Variants in SEL1L3 observed in about 807,000 individuals in gnomAD.
SEL1L3 encodes protein sel-1 homolog 3.
A neutral mutation model predicts 142.8 loss-of-function variants in SEL1L3; 76 were observed. The ratio of observed to expected loss-of-function variants is 0.53; its 90% CI spans 0.44 to 0.64. The LOEUF (loss-of-function observed/expected upper bound fraction) is 0.64. Ranked by LOEUF, SEL1L3 falls within the 30% of genes least tolerant of loss-of-function variation. SEL1L3 has a pLI of 0.00. For missense variants in SEL1L3, 1,262 were observed against 1,381.7 expected, an observed-to-expected ratio of 0.91 and a Z score of 1.37; for synonymous variants, 504 against 519.6, an observed-to-expected ratio of 0.97 and a Z score of 0.41.
chr4:25,727,491 C>A, the SEL1L3 span, among the ~76,000 whole-genome samples: 1 of 152,160 alleles, frequency 6.6e-6, no homozygotes, highest in African/African-American at 2.4e-5. Flanking sequence ...CATTATTCAT[C>A]TAAAATGGTT....
intron 2 of SEL1L3, among the ~76,000 whole-genome samples, chr4:25,839,547 T>C (rs548297467): frequency 6.7e-4 from 102 of 152,354 alleles, no homozygotes; most frequent in Non-Finnish European, 1.3e-3. Flanking sequence ...AAAAATCTAC[T>C]GTATTGTTAA....
chr4:25,758,746 T>C (rs1315538059), intron 21 of SEL1L3, among the ~76,000 whole-genome samples, 195 bp downstream of exon 21: 1 of 151,740 alleles, frequency 6.6e-6, no homozygotes, highest in Non-Finnish European at 1.5e-5. Flanking sequence ...ACCCTTGACC[T>C]CAAGTGATCT....
chr4:25,752,057 C>T (rs1265813167), intron 23 of SEL1L3, among the ~76,000 whole-genome samples: 3 of 140,292 alleles, frequency 2.1e-5, no homozygotes, highest in Non-Finnish European at 3.0e-5. Context: ...TGCAGTGAGC[C>T]GAGATCATGC....
intron 2 of SEL1L3, among the ~76,000 whole-genome samples, chr4:25,840,539 T>A (rs1400187871): frequency 1.3e-5 from 2 of 151,900 alleles, no homozygotes; most frequent in African/African-American, 4.8e-5. Flanking sequence ...ACGAAAAGAG[T>A]GGAGAAGAAG....
chr4:25,810,402 A>C (rs7683265), intron 9 of SEL1L3, among the ~76,000 whole-genome samples: 57,068 of 151,958 alleles, frequency 0.38, 11,131 homozygotes, highest in African/African-American at 0.47. Flanking sequence ...TCCTCATCGC[A>C]TCTCTTCTCT....
chr4:25,724,654 G>A, the SEL1L3 span, among the ~76,000 whole-genome samples: 17 of 143,068 alleles, frequency 1.2e-4, no homozygotes, highest in Non-Finnish European at 2.1e-4. Flanking sequence ...GGAGAATGGC[G>A]TGAACCCGGG....
intron 15 of SEL1L3, 91 bp downstream of exon 15, chr4:25,782,151 G>T: frequency 9.1e-7 from 1 of 1,102,680 alleles, no homozygotes; most frequent in South Asian, 1.5e-5. Context: ...CTGTGTCTGG[G>T]GTTGGGTCTG....
At chr4:25,792,669 G>T (rs1022652077) in intron 11 of SEL1L3, among the ~76,000 whole-genome samples, 6 of 152,166 alleles carry the variant, frequency 3.9e-5, no homozygotes, top group Non-Finnish European at 8.8e-5. Flanking sequence ...TTATTGCACT[G>T]TAAAAAAGAA....
the SEL1L3 span, among the ~76,000 whole-genome samples, chr4:25,735,565 C>A: frequency 2.1e-5 from 3 of 143,144 alleles, no homozygotes; most frequent in African/African-American, 7.5e-5. Context: ...CTTCAGTTTT[C>A]TTCAAGTTTA....
At chr4:25,849,392 C>A (rs1560357146) in intron 1 of SEL1L3, among the ~76,000 whole-genome samples, 1 of 152,088 alleles carries the variant, frequency 6.6e-6, no homozygotes, top group African/African-American at 2.4e-5. Context: ...AATGGATGAA[C>A]TTTGAGGAGA....
intron 1 of SEL1L3, among the ~76,000 whole-genome samples, chr4:25,853,027 T>C (rs1717006754): frequency 6.6e-6 from 1 of 152,258 alleles, no homozygotes; most frequent in Non-Finnish European, 1.5e-5. Context: ...TGCAGCACCC[T>C]GAGTGTGGTT....
rs186054886 is a variant in SEL1L3, at chr4:25,856,384, G to C, written c.162+6291C>G. 2.4e-4 allele frequency among the ~76,000 whole-genome samples: 37 copies of C among 152,162 alleles called. No homozygotes were observed. In the East Asian group the frequency reaches 6.2e-3, roughly 25 times the overall value. Reference sequence around the variant, plus strand: ...GGCATCTGTGCCCCTCAAATTATGTGGTTTAGGCAGCTACAATAGATGTTC... The same window carrying C: ...GGCATCTGTGCCCCTCAAATTATGTCGTTTAGGCAGCTACAATAGATGTTC... On this transcript the variant is annotated intron_variant, in intron 1 of 23. Transcript: ENST00000399878.
At chr4:25,772,803 A>AT (rs1460946754) in intron 17 of SEL1L3, among the ~76,000 whole-genome samples, 1 of 151,980 alleles carries the variant, frequency 6.6e-6, no homozygotes, top group Non-Finnish European at 1.5e-5. Context: ...TTATTTATTT[A>AT]TTTATTTTTT....
the SEL1L3 span, among the ~76,000 whole-genome samples, chr4:25,721,510 T>C: frequency 1.3e-5 from 2 of 152,176 alleles, no homozygotes; most frequent in Non-Finnish European, 2.9e-5. Flanking sequence ...TGACTTACCG[T>C]GTACTTTCTC....
chr4:25,765,217 T>C, intron 20 of SEL1L3, 109 bp downstream of exon 20: 3 of 730,526 alleles, frequency 4.1e-6, no homozygotes, highest in Non-Finnish European at 7.4e-6. Flanking sequence ...TGGTCCCGAA[T>C]TCCTGACCTC....
At chr4:25,748,708 C>T (rs561703660) in intron 23 of SEL1L3, 144 bp from the exon 24 acceptor site, 2 of 730,410 alleles carry the variant, frequency 2.7e-6, no homozygotes, top group East Asian at 5.7e-5. Context: ...AACTCTGGAC[C>T]CGTTATCTAA....
intron 12 of SEL1L3, among the ~76,000 whole-genome samples, chr4:25,789,718 T>G (rs1338276789): frequency 2.0e-5 from 3 of 152,154 alleles, no homozygotes; most frequent in Admixed American, 6.5e-5. Context: ...CCGATGTTGC[T>G]GCACTCACAG....
intron 9 of SEL1L3, among the ~76,000 whole-genome samples, chr4:25,810,112 C>A (rs998991591): frequency 4.8e-4 from 73 of 152,322 alleles, no homozygotes; most frequent in African/African-American, 1.7e-3. Context: ...TGGACCTGGC[C>A]CCATCCCAGA....
chr4:25,820,990 A>G (rs1297228858), intron 7 of SEL1L3, among the ~76,000 whole-genome samples: 1 of 152,232 alleles, frequency 6.6e-6, no homozygotes, highest in South Asian at 2.1e-4. Flanking sequence ...GGCCTCCCAA[A>G]GCGCTGGGAT....
Sources: allele counts gnomAD v4.1 joint callset (sites outside exome capture counted in the v4.1 genomes callset), GRCh38; gene constraint gnomAD v4.1.1; transcripts MANE v1.5; gene names NCBI Gene and HGNC (gene_info 2026-07-23, HGNC 2026-07-21).